SNUPN: variants seen among roughly 807,000 people sequenced by gnomAD.
SNUPN encodes snurportin 1, also known as snurportin-1.
A neutral mutation model predicts 39.2 loss-of-function variants in SNUPN; 31 were observed. The observed-to-expected ratio is 0.79, with a 90% CI of 0.59 to 1.07. The LOEUF is 1.07. Among genes scored for constraint, SNUPN ranks in the 50% least tolerant of loss-of-function variants. SNUPN has a pLI of 0.00. For missense variants in SNUPN, 382 were observed against 434.2 expected, an observed-to-expected ratio of 0.88 and a Z score of 1.07; for synonymous variants, 132 against 159.0, an observed-to-expected ratio of 0.83 and a Z score of 1.28.
At chr15:75,603,967 A>G (rs1048064999) in intron 7 of SNUPN, among the ~76,000 whole-genome samples, 7 of 152,116 alleles carry the variant, frequency 4.6e-5, no homozygotes, top group African/African-American at 2.4e-5. Flanking sequence ...ACAACAGCAC[A>G]TATCTACTTC....
chr15:75,619,745 T>TTTTATTTA (rs754886555), intron 2 of SNUPN, among the ~76,000 whole-genome samples: 2 of 151,752 alleles, frequency 1.3e-5, no homozygotes, highest in Admixed American at 6.6e-5. Context: ...CTTCTATTTA[T>TTTTATTTA]TTTATTTATT....
intron 5 of SNUPN, among the ~76,000 whole-genome samples, chr15:75,607,550 CA>C (rs2075340860): frequency 6.6e-6 from 1 of 152,176 alleles, no homozygotes; most frequent in African/African-American, 2.4e-5. Flanking sequence ...AAACCTTAAG[CA>C]AAGTGAGAAT....
chr15:75,609,174 CTTTTTT>C (rs1205961290), intron 5 of SNUPN, among the ~76,000 whole-genome samples: 14 of 89,666 alleles, frequency 1.6e-4, no homozygotes, highest in African/African-American at 4.6e-4. Context: ...CAAAGTGGGT[CTTTTTT>C]TTTTTTTTTT....
intron 7 of SNUPN, among the ~76,000 whole-genome samples, chr15:75,602,830 C>T (rs1253381302): frequency 1.3e-5 from 2 of 151,952 alleles, no homozygotes; most frequent in Non-Finnish European, 2.9e-5. Context: ...TGGTCTCAAA[C>T]TCCTGGGCTC....
intron 5 of SNUPN, among the ~76,000 whole-genome samples, chr15:75,608,067 G>A (rs1242588257): frequency 6.6e-6 from 1 of 152,120 alleles, no homozygotes; most frequent in East Asian, 1.9e-4. Flanking sequence ...GCATGTGAAA[G>A]GTACTAAACG....
intron 8 of SNUPN, 84 bp from the exon 9 acceptor site, chr15:75,598,765 T>C: frequency 9.4e-7 from 1 of 1,059,010 alleles, no homozygotes; most frequent in Non-Finnish European, 1.4e-6. Flanking sequence ...AGGGCAGCTC[T>C]TGTGGTCCGA....
At chr15:75,624,494 A>G (rs1432086003) in intron 1 of SNUPN, among the ~76,000 whole-genome samples, 4 of 83,278 alleles carry the variant, frequency 4.8e-5, no homozygotes, top group Non-Finnish European at 8.7e-5. Flanking sequence ...CCCCGTCTCT[A>G]CTAAAAAAAA....
At chr15:75,600,240 G>T (rs1164928138) in intron 8 of SNUPN, among the ~76,000 whole-genome samples, 2 of 151,854 alleles carry the variant, frequency 1.3e-5, no homozygotes, top group Non-Finnish European at 2.9e-5. Context: ...CAAGACTGTT[G>T]AGGACTGGGG....
chr15:75,598,116 G>A lies in SNUPN; in HGVS notation c.*242C>T. The A allele has an allele frequency of 2.3e-6, 1 of 438,044 alleles. No homozygotes were observed. 27.1% of individuals were successfully genotyped at this position (438,044 alleles called of 1,614,324 possible). On this transcript the variant is annotated 3_prime_UTR_variant, in exon 9 of 9. Coordinates refer to ENST00000308588, the MANE Select transcript of SNUPN (RefSeq NM_005701.4). Reference sequence around the variant, plus strand: ...TACAAATCACATATATTTACATTGTGGATCTGGGATACACTTATCACAGTA... The same window carrying A: ...TACAAATCACATATATTTACATTGTAGATCTGGGATACACTTATCACAGTA...
chr15:75,622,703 G>C (rs1243190446), intron 1 of SNUPN, among the ~76,000 whole-genome samples: 2 of 152,182 alleles, frequency 1.3e-5, no homozygotes, highest in Non-Finnish European at 2.9e-5. Flanking sequence ...AAAATCAACA[G>C]GTTCATTCCA....
intron 1 of SNUPN, 50 bp from the exon 2 acceptor site, chr15:75,621,106 T>G: frequency 6.4e-7 from 1 of 1,569,852 alleles, no homozygotes; most frequent in Non-Finnish European, 8.7e-7. Flanking sequence ...TATCATCTCC[T>G]GTATACAGAC....
At chr15:75,609,784 C>T in intron 4 of SNUPN, 106 bp downstream of exon 4, 1 of 1,156,260 alleles carries the variant, frequency 8.6e-7, no homozygotes, top group South Asian at 1.3e-5. Context: ...GTGTTTCAAG[C>T]TCCACTCCAG....
At chr15:75,607,596 C>G (rs1267895861) in intron 5 of SNUPN, among the ~76,000 whole-genome samples, 2 of 152,186 alleles carry the variant, frequency 1.3e-5, no homozygotes, top group Non-Finnish European at 2.9e-5. Flanking sequence ...CATTTACTCA[C>G]CTCAACGAGG....
intron 3 of SNUPN, among the ~76,000 whole-genome samples, chr15:75,614,498 T>C (rs946546507): frequency 2.0e-5 from 3 of 152,152 alleles, no homozygotes; most frequent in African/African-American, 7.2e-5. Context: ...GGAAACCTCA[T>C]GCTAAGTAAA....
At chr15:75,611,022 G>T (rs918276923) in intron 3 of SNUPN, among the ~76,000 whole-genome samples, 2 of 151,902 alleles carry the variant, frequency 1.3e-5, no homozygotes, top group African/African-American at 2.4e-5. Context: ...ACAAAAATTA[G>T]CTGGGCGTGT....
At chr15:75,601,081 T>C in intron 8 of SNUPN, 57 bp downstream of exon 8, 1 of 1,205,570 alleles carries the variant, frequency 8.3e-7, no homozygotes, top group Non-Finnish European at 1.2e-6. Context: ...TTTGTGTAAC[T>C]AAGTCTCTCT....
Position 75,620,890 on chromosome 15 carries a change from T to A in SNUPN, c.158+4A>T. Reference sequence around the variant, plus strand: ...AAGAAGACAAGGAGTTAAAGCTTCCTTACGATTTCTGCAGTTCCAGTAACC... The same window carrying A: ...AAGAAGACAAGGAGTTAAAGCTTCCATACGATTTCTGCAGTTCCAGTAACC... On this transcript the variant is annotated splice_donor_region_variant and intron_variant, in intron 2 of 8. Coordinates refer to ENST00000308588, the MANE Select transcript of SNUPN (RefSeq NM_005701.4). The A allele has an allele frequency of 7.4e-6, 12 of 1,612,342 alleles. No homozygotes were observed. Among genetic ancestry groups the A allele is most frequent in the Non-Finnish European group, 1.0e-5 (12 of 1,179,380 alleles).
intron 8 of SNUPN, among the ~76,000 whole-genome samples, chr15:75,599,502 G>A (rs2075268614): frequency 6.6e-6 from 1 of 152,230 alleles, no homozygotes; most frequent in African/African-American, 2.4e-5. Flanking sequence ...GTGGAAACAG[G>A]CTGTCCAGAT....
At chr15:75,613,420 G>A (rs183826020) in intron 3 of SNUPN, among the ~76,000 whole-genome samples, 260 of 151,326 alleles carry the variant, frequency 1.7e-3, no homozygotes, top group African/African-American at 6.0e-3. Context: ...CGAGGTGGGC[G>A]GATCACAAAA....
Sources: allele counts gnomAD v4.1 joint callset (sites outside exome capture counted in the v4.1 genomes callset), GRCh38; gene constraint gnomAD v4.1.1; transcripts MANE v1.5; gene names NCBI Gene and HGNC (gene_info 2026-07-23, HGNC 2026-07-21).